The following NAV3 variants were observed in gnomAD, a reference collection of about 807,000 sequenced individuals.
NAV3 encodes neuron navigator 3.
NAV3 carries 87 observed loss-of-function variants against 244.7 expected under a neutral mutation model. The observed-to-expected ratio is 0.36, with a 90% CI of 0.30 to 0.42. The LOEUF (loss-of-function observed/expected upper bound fraction) is 0.42, where lower values mean the gene tolerates loss of function less well. Among genes scored for constraint, NAV3 ranks in the 20% least tolerant of loss-of-function variants. The pLI is 1.00. For missense variants in NAV3, 2,663 were observed against 2,893.3 expected (o/e 0.92, Z 1.83); for synonymous variants, 1,126 against 1,042.2 (o/e 1.08, Z -1.55).
chr12:77,983,786 G>GT (rs1225378657), intron 5 of NAV3, among the ~76,000 whole-genome samples: 1 of 152,142 alleles, frequency 6.6e-6, no homozygotes, highest in Non-Finnish European at 1.5e-5. Flanking sequence ...CTGAGTTATG[G>GT]TAACTTTTTG....
At chr12:77,575,621 C>G (rs1869044250) in intron 2 of NAV3, among the ~76,000 whole-genome samples, 1 of 152,060 alleles carries the variant, frequency 6.6e-6, no homozygotes. Context: ...CAAAACAAAC[C>G]CAGAACAGTG....
chr12:77,655,550 G>A (rs1418716861), intron 2 of NAV3, among the ~76,000 whole-genome samples: 11 of 152,162 alleles, frequency 7.2e-5, no homozygotes, highest in Non-Finnish European at 1.5e-4. Context: ...TTATCCAGGA[G>A]AACTTCCCCA....
chr12:77,632,452 T>C (rs1447440658), intron 2 of NAV3, among the ~76,000 whole-genome samples: 1 of 152,036 alleles, frequency 6.6e-6, no homozygotes, highest in Admixed American at 6.6e-5. Context: ...CAAAGATAGA[T>C]AGCTTGTGCA....
chr12:77,822,004 C>T (rs942570659), intron 2 of NAV3, among the ~76,000 whole-genome samples: 5 of 151,978 alleles, frequency 3.3e-5, no homozygotes, highest in Non-Finnish European at 5.9e-5. Context: ...AATAGTTGTC[C>T]TTTTTCCAGA....
At chr12:77,867,805 G>A (rs1201415109) in intron 1 of NAV3, among the ~76,000 whole-genome samples, 2 of 152,198 alleles carry the variant, frequency 1.3e-5, no homozygotes, top group Non-Finnish European at 2.9e-5. Flanking sequence ...GAGTGGACCA[G>A]AAAGTAATAA....
At chr12:78,018,560 C>T (rs1387399057) in intron 8 of NAV3, among the ~76,000 whole-genome samples, 1 of 152,166 alleles carries the variant, frequency 6.6e-6, no homozygotes, top group African/African-American at 2.4e-5. Context: ...TGGTCTTGTT[C>T]TCATAGGAAC....
chr12:77,629,836 T>C (rs1228352776), intron 2 of NAV3, among the ~76,000 whole-genome samples: 1 of 152,038 alleles, frequency 6.6e-6, no homozygotes, highest in Admixed American at 6.6e-5. Flanking sequence ...ACGTTGAAAA[T>C]TGGAACAAAG....
chr12:78,168,995 G>T, intron 24 of NAV3, 129 bp downstream of exon 24: 2 of 558,696 alleles, frequency 3.6e-6, no homozygotes, highest in Non-Finnish European at 6.3e-6. Flanking sequence ...ATTAATAGTT[G>T]TATTAATACA....
chr12:78,007,796 A>G (rs1475378272), intron 8 of NAV3, among the ~76,000 whole-genome samples: 4 of 152,230 alleles, frequency 2.6e-5, no homozygotes, highest in Non-Finnish European at 5.9e-5. Context: ...AGACTTTTAA[A>G]ATAATTCTCA....
rs552109153 is a variant in NAV3 at position 77,994,827 on chromosome 12, G to T, written c.696G>T (p.Gln232His). ...QSSLAARYAT[Q>H]SNHSGIATSQ... ...GTCTGGCAGCCAGATATGCAACTCA[G>T]TCTAATCACAGTGGAATTGCAACCA... Residue 232 changes from glutamine to histidine, a missense_variant, in exon 6 of 40, where the codon CAG becomes CAT. By Grantham distance (24) the Gln-to-His change is conservative. Around this residue, in one of 6 missense-constraint regions of NAV3, gnomAD observed 1,521 missense variants for 1,497.0 expected, o/e 1.02. Coordinates refer to ENST00000397909, the MANE Select transcript of NAV3 (RefSeq NM_001024383.2). 9.3e-6 allele frequency: 15 copies of T among 1,611,100 alleles called. No individual in the cohort carries two copies. The highest frequency in any genetic ancestry group is 1.2e-5 in the Non-Finnish European group (14 of 1,178,492).
intron 2 of NAV3, among the ~76,000 whole-genome samples, chr12:77,824,299 C>T (rs1320255372): frequency 7.5e-6 from 1 of 133,360 alleles, no homozygotes; most frequent in Non-Finnish European, 1.5e-5. Context: ...CACCATGTTG[C>T]CCAGGCTGGT....
intron 2 of NAV3, among the ~76,000 whole-genome samples, chr12:77,659,417 C>A (rs1308205529): frequency 6.6e-6 from 1 of 152,178 alleles, no homozygotes; most frequent in Non-Finnish European, 1.5e-5. Context: ...GAGATATCAT[C>A]TCACACCAGT....
At chr12:77,697,023 A>C (rs1875337429) in intron 2 of NAV3, among the ~76,000 whole-genome samples, 1 of 151,984 alleles carries the variant, frequency 6.6e-6, no homozygotes, top group Admixed American at 6.6e-5. Context: ...TGGATGCTTC[A>C]CCTTATTATA....
chr12:78,057,012 C>T (rs186556413), intron 11 of NAV3, among the ~76,000 whole-genome samples: 2 of 152,074 alleles, frequency 1.3e-5, no homozygotes, highest in Non-Finnish European at 2.9e-5. Flanking sequence ...TTGAAGCATG[C>T]GAAGGCTTAT....
Position 77,647,236 on chromosome 12 carries a change from C to T in NAV3, c.72+74970C>T, listed in dbSNP as rs372815594. On this transcript the variant is annotated intron_variant, in intron 2 of 8. Coordinates refer to the NAV3 transcript ENST00000550042. Reference sequence around the variant, plus strand: ...CAATGAAAATAGTCAAAAAGCTAAGCATGTAACTTATTTACAGTTAGAAAA... The same window carrying T: ...CAATGAAAATAGTCAAAAAGCTAAGTATGTAACTTATTTACAGTTAGAAAA... Among the ~76,000 whole-genome samples the T allele has an allele frequency of 1.2e-4, 18 of 152,174 alleles. 2 individuals are homozygous for T. The highest frequency in any genetic ancestry group is 9.2e-4 in the Admixed American group (14 of 15,270).
intron 1 of NAV3, among the ~76,000 whole-genome samples, chr12:77,896,237 G>C (rs1446865908): frequency 6.6e-6 from 1 of 152,156 alleles, no homozygotes; most frequent in Non-Finnish European, 1.5e-5. Flanking sequence ...GATATAGTAA[G>C]ATAGCTCATG....
chr12:77,879,413 T>C (rs1401799469), intron 1 of NAV3, among the ~76,000 whole-genome samples: 2 of 152,090 alleles, frequency 1.3e-5, no homozygotes, highest in South Asian at 4.1e-4. Context: ...CACACCTGTA[T>C]TCCTAAGACT....
chr12:77,984,897 A>C (rs1315934038), intron 5 of NAV3, among the ~76,000 whole-genome samples: 3 of 151,904 alleles, frequency 2.0e-5, no homozygotes, highest in Non-Finnish European at 2.9e-5. Flanking sequence ...GCTCACTGCA[A>C]CTCCCACCTC....
At chr12:77,899,828 A>G (rs1885055896) in intron 1 of NAV3, among the ~76,000 whole-genome samples, 1 of 152,212 alleles carries the variant, frequency 6.6e-6, no homozygotes, top group African/African-American at 2.4e-5. Flanking sequence ...CCAACTTAAT[A>G]TCTATTAGTA....
Sources: allele counts gnomAD v4.1 joint callset (sites outside exome capture counted in the v4.1 genomes callset), GRCh38; gene constraint gnomAD v4.1.1; regional missense constraint gnomAD v4.1.1; transcripts MANE v1.5; gene names NCBI Gene and HGNC (gene_info 2026-07-23, HGNC 2026-07-21).